The following DLC1 variants were observed in gnomAD, a reference collection of about 807,000 sequenced individuals.
DLC1 encodes DLC1 Rho GTPase activating protein.
DLC1 carries 54 observed loss-of-function variants against 140.3 expected under a neutral mutation model. The observed-to-expected ratio is 0.38, with a 90% CI of 0.31 to 0.48. The LOEUF is 0.48. Ranked by LOEUF, DLC1 falls within the 20% of genes least tolerant of loss-of-function variation. The probability of loss-of-function intolerance (pLI) is 0.96; values close to 1 mark genes in which losing one functional copy is unlikely to be tolerated. For missense variants in DLC1, 2,536 were observed against 1,907.0 expected (o/e 1.33, Z -6.14); for synonymous variants, 986 against 728.1 (o/e 1.35, Z -5.70).
chr8:13,427,530 G>A (rs1158370636), intron 2 of DLC1, among the ~76,000 whole-genome samples: 1 of 152,112 alleles, frequency 6.6e-6, no homozygotes, highest in Admixed American at 6.5e-5. Flanking sequence ...GTCTCTGTTA[G>A]CTTCAACTCT....
At chr8:13,565,165 A>C (rs1563443788) in intron 1 of DLC1, among the ~76,000 whole-genome samples, 1 of 152,190 alleles carries the variant, frequency 6.6e-6, no homozygotes. Flanking sequence ...ATTACAAGGA[A>C]ATTAATTATA....
At chr8:13,141,860 G>A (rs1472701386) in intron 5 of DLC1, among the ~76,000 whole-genome samples, 2 of 152,060 alleles carry the variant, frequency 1.3e-5, no homozygotes, top group African/African-American at 2.4e-5. Flanking sequence ...GCAAGGCAAC[G>A]AATTACACAT....
chr8:13,127,288 C>G (rs545221442), intron 5 of DLC1, among the ~76,000 whole-genome samples: 2 of 152,280 alleles, frequency 1.3e-5, no homozygotes, highest in African/African-American at 4.8e-5. Context: ...GACATGTTGA[C>G]TGGAAGGGGT....
intron 1 of DLC1, among the ~76,000 whole-genome samples, chr8:13,562,142 G>T (rs986199794): frequency 6.6e-6 from 1 of 151,742 alleles, no homozygotes; most frequent in African/African-American, 2.4e-5. Flanking sequence ...AGAAGTAATC[G>T]GGTCAATTTA....
chr8:13,554,463 G>C (rs144893344), intron 1 of DLC1, among the ~76,000 whole-genome samples: 4 of 152,014 alleles, frequency 2.6e-5, no homozygotes, highest in Admixed American at 2.6e-4. Context: ...TCTCCACTTC[G>C]GTGTTTAAAA....
chr8:13,290,289 T>G (rs557980351), intron 5 of DLC1, among the ~76,000 whole-genome samples: 1 of 152,216 alleles, frequency 6.6e-6, no homozygotes, highest in African/African-American at 2.4e-5. Context: ...GTCTTCAAAC[T>G]TAGTGTTCAT....
intron 5 of DLC1, among the ~76,000 whole-genome samples, chr8:13,301,524 C>T (rs17191502): frequency 0.051 from 7,728 of 152,272 alleles, 245 homozygotes; most frequent in South Asian, 0.12. Context: ...ACATCAACAA[C>T]ATGGCAGATT....
Position 13,546,551 on chromosome 8 carries a change from A to G in DLC1, c.-125-46355T>C, listed in dbSNP as rs137993169. Among the ~76,000 whole-genome samples, 18 of 152,284 alleles carry G rather than the reference A, an allele frequency of 1.2e-4. No individual in the cohort carries two copies. In the East Asian group the frequency reaches 2.7e-3, roughly 23 times the overall value. On this transcript the variant is annotated intron_variant, in intron 1 of 1. Transcript: ENST00000631382. The stretch of plus-strand genomic sequence containing the variant: ...CTTCCAGATGTCTTATTTACAGAAT[A>G]TGACTGGTTTATCCATGAATCACCA...
intron 5 of DLC1, among the ~76,000 whole-genome samples, chr8:13,177,501 T>C (rs1044394828): frequency 6.6e-6 from 1 of 152,204 alleles, no homozygotes; most frequent in African/African-American, 2.4e-5. Flanking sequence ...GTGCATAGTC[T>C]TCAATCTTAC....
chr8:13,286,356 C>T (rs1831535607), intron 5 of DLC1, among the ~76,000 whole-genome samples: 1 of 151,682 alleles, frequency 6.6e-6, no homozygotes, highest in African/African-American at 2.4e-5. Flanking sequence ...AATGACATAC[C>T]CAGTGTTGTG....
chr8:13,086,387 C>G lies in DLC1; in HGVS notation c.4369G>C (p.Val1457Leu). Residue 1457 changes from valine (V) to leucine (L), a missense_variant, in exon 17 of 18, where the codon GTG (valine) becomes CTG (leucine). By Grantham distance (32) the Val-to-Leu change is conservative. Transcript: ENST00000276297. ...AAGAGCACATTAACCCTCACACCCA[C>G]CACAGGTGCGCGATCGTGATCCACA... is the stretch of plus-strand genomic sequence containing the variant. ...TSVDHDRAPV[V>L]GVRVNVLLSR... 1 of 1,614,246 alleles carries G rather than the reference C, an allele frequency of 6.2e-7. No individual in the cohort carries two copies. The highest frequency in any genetic ancestry group is 1.1e-5 in the South Asian group (1 of 91,084).
At chr8:13,230,636 G>C (rs1394186070) in intron 5 of DLC1, among the ~76,000 whole-genome samples, 3 of 144,310 alleles carry the variant, frequency 2.1e-5, no homozygotes, top group African/African-American at 7.8e-5. Context: ...TCACTCTGTA[G>C]CCCAGGCTGG....
At chr8:13,598,545 T>C (rs936662311) in intron 1 of DLC1, among the ~76,000 whole-genome samples, 1 of 152,130 alleles carries the variant, frequency 6.6e-6, no homozygotes, top group Non-Finnish European at 1.5e-5. Context: ...ATTACTCTTA[T>C]GATCTTGAAA....
intron 1 of DLC1, among the ~76,000 whole-genome samples, chr8:13,508,662 C>T (rs1418899429): frequency 6.6e-6 from 1 of 152,150 alleles, no homozygotes; most frequent in Non-Finnish European, 1.5e-5. Context: ...TCGTGATCTG[C>T]CCACCTCGGC....
chr8:13,506,544 G>GAC (rs1286418920), intron 1 of DLC1, among the ~76,000 whole-genome samples: 2 of 127,652 alleles, frequency 1.6e-5, no homozygotes, highest in African/African-American at 3.2e-5. Context: ...CACACACATG[G>GAC]ACACACACAC....
chr8:13,274,837 A>G (rs779682797), intron 5 of DLC1, among the ~76,000 whole-genome samples: 2 of 152,206 alleles, frequency 1.3e-5, no homozygotes, highest in Non-Finnish European at 2.9e-5. Context: ...CATTTGCGGC[A>G]TTGTTTATTA....
At chr8:13,468,628 G>A (rs1211405838) in intron 2 of DLC1, among the ~76,000 whole-genome samples, 1 of 151,788 alleles carries the variant, frequency 6.6e-6, no homozygotes, top group Admixed American at 6.6e-5. Flanking sequence ...TCCCACCTCA[G>A]CCTCCCGAAG....
chr8:13,225,654 T>C (rs568701507), intron 5 of DLC1, among the ~76,000 whole-genome samples: 3,447 of 150,948 alleles, frequency 0.023, 135 homozygotes, highest in African/African-American at 0.079. Context: ...CTCACTCTGC[T>C]GCCAAGGCTG....
chr8:13,166,878 T>G (rs1178053145), intron 5 of DLC1, among the ~76,000 whole-genome samples: 1 of 152,150 alleles, frequency 6.6e-6, no homozygotes, highest in Admixed American at 6.5e-5. Context: ...CGCTGGGAAT[T>G]GGTGCCCTGT....
Sources: allele counts gnomAD v4.1 joint callset (sites outside exome capture counted in the v4.1 genomes callset), GRCh38; gene constraint gnomAD v4.1.1; transcripts MANE v1.5; gene names NCBI Gene and HGNC (gene_info 2026-07-23, HGNC 2026-07-21).